Variants in TCF20 observed in about 807,000 individuals in gnomAD.
TCF20 encodes the protein transcription factor 20.
TCF20 carries 3 observed loss-of-function variants against 148.6 expected under a neutral mutation model. The ratio of observed to expected loss-of-function variants is 0.02; its 90% CI spans 0.01 to 0.05. TCF20 has a LOEUF of 0.05. TCF20 is among the 10% of genes least tolerant of loss of function. The pLI, the probability that TCF20 is intolerant of heterozygous loss-of-function variation, is 1.00. For missense variants in TCF20, 2,350 were observed against 2,429.3 expected, an observed-to-expected ratio of 0.97 and a Z score of 0.69; for synonymous variants, 1,049 against 909.5, an observed-to-expected ratio of 1.15 and a Z score of -2.76.
chr22:42,323,897 TGGTG>T (rs1927789160), intron 1 of TCF20, among the ~76,000 whole-genome samples: 1 of 74,050 alleles, frequency 1.4e-5, no homozygotes, highest in Non-Finnish European at 3.2e-5. Flanking sequence ...GAGGTTATGG[TGGTG>T]GAGGTGGTGG....
At chr22:42,325,778 C>G (rs930342542) in intron 1 of TCF20, among the ~76,000 whole-genome samples, 5 of 152,196 alleles carry the variant, frequency 3.3e-5, no homozygotes, top group Non-Finnish European at 7.3e-5. Context: ...GAGCAAGGCA[C>G]TGCATTTCCG....
chr22:42,260,474 T>G (rs1423708180), intron 1 of TCF20, among the ~76,000 whole-genome samples: 1 of 152,110 alleles, frequency 6.6e-6, no homozygotes, highest in East Asian at 1.9e-4. Context: ...AACAGGAAAC[T>G]AATAATACAG....
At chr22:42,310,276 T>C (rs918640859) in intron 1 of TCF20, among the ~76,000 whole-genome samples, 1 of 152,178 alleles carries the variant, frequency 6.6e-6, no homozygotes, top group Non-Finnish European at 1.5e-5. Flanking sequence ...TGTTGGCACA[T>C]TCATCTAACA....
rs565386873 is a variant in TCF20, at chr22:42,214,109, C to T, written c.1197G>A (p.Gly399=). 1 of 1,614,202 alleles carries T rather than the reference C, an allele frequency of 6.2e-7. No individual in the cohort carries two copies. The highest frequency in any genetic ancestry group is 2.2e-5 in the East Asian group (1 of 44,884). The part of the protein sequence containing the change: ...LMQTGENLQC[G]QGSVPMGSRN... ...TGGAACCCATAGGCACACTGCCTTG[C>T]CCACACTGGAGATTCTCCCCAGTCT... Residue 399 remains glycine, a synonymous_variant, in exon 2 of 6, where the codon GGG becomes GGA. Transcript: ENST00000677622.
rs1928105074 is a variant in TCF20 at position 42,338,435 on chromosome 22, G to GA, written c.-37+5043_-37+5044insT. Reference sequence around the variant, plus strand: ...CAGAGTCGGGAGGGGGGTGCCCAGGGGGCCTCAGCAGAGCCCCGTCCCTCC... The same window carrying GA: ...CAGAGTCGGGAGGGGGGTGCCCAGGGAGGCCTCAGCAGAGCCCCGTCCCTCC... On this transcript the variant is annotated intron_variant, in intron 1 of 1. Coordinates refer to the TCF20 transcript ENST00000515426. This position sits in a 1 kb window ranked among gnomAD's most constrained non-coding sequence, Gnocchi z 4.0. 1.3e-5 allele frequency among the ~76,000 whole-genome samples: 2 copies of GA among 152,040 alleles called. No homozygotes were observed. The highest frequency in any genetic ancestry group is 2.1e-4 in the South Asian group (1 of 4,788).
At chr22:42,314,253 C>T (rs2053559533) in intron 1 of TCF20, among the ~76,000 whole-genome samples, 1 of 152,258 alleles carries the variant, frequency 6.6e-6, no homozygotes, top group Non-Finnish European at 1.5e-5. Context: ...TCCGTCTCTT[C>T]CGGATGTGTG....
At chr22:42,305,221 A>G (rs1251195095) in intron 1 of TCF20, among the ~76,000 whole-genome samples, 1 of 152,100 alleles carries the variant, frequency 6.6e-6, no homozygotes, top group Non-Finnish European at 1.5e-5. Flanking sequence ...TGCTGGTAAG[A>G]ATCAGTTCAA....
chr22:42,314,990 TAAACTGGC>T, intron 1 of TCF20, among the ~76,000 whole-genome samples: 1 of 152,132 alleles, frequency 6.6e-6, no homozygotes, highest in South Asian at 2.1e-4. Flanking sequence ...GTTTTTGTTT[TAAACTGGC>T]TGTGCCTCCT....
intron 1 of TCF20, among the ~76,000 whole-genome samples, chr22:42,300,622 G>A (rs951980393): frequency 5.3e-5 from 8 of 152,128 alleles, no homozygotes; most frequent in South Asian, 4.1e-4. Context: ...AGCCTCCTGC[G>A]GTCAGCAGCC....
intron 1 of TCF20, among the ~76,000 whole-genome samples, chr22:42,227,731 G>C (rs989125231): frequency 6.6e-6 from 1 of 152,174 alleles, no homozygotes; most frequent in East Asian, 1.9e-4. Flanking sequence ...CATTTTGCAG[G>C]ATAACCCTCA....
At chr22:42,249,956 G>A (rs945313856) in intron 1 of TCF20, among the ~76,000 whole-genome samples, 1 of 152,046 alleles carries the variant, frequency 6.6e-6, no homozygotes, top group African/African-American at 2.4e-5. Context: ...AGCTCTGGCT[G>A]TGTTCATCAA....
chr22:42,196,379 GTC>G, intron 2 of TCF20, among the ~76,000 whole-genome samples: 1 of 152,306 alleles, frequency 6.6e-6, no homozygotes, highest in South Asian at 2.1e-4. Context: ...GAGACACAAA[GTC>G]TTATATCAGC....
upstream of TCF20, among the ~76,000 whole-genome samples, chr22:42,286,558 C>T (rs559303574): frequency 1.7e-4 from 26 of 152,190 alleles, no homozygotes; most frequent in Admixed American, 1.1e-3. Flanking sequence ...CCTTTCTAAG[C>T]AAGAGCCGAT....
At chr22:42,165,449 A>G (rs1372702411) in intron 5 of TCF20, among the ~76,000 whole-genome samples, 1 of 152,216 alleles carries the variant, frequency 6.6e-6, no homozygotes, top group Non-Finnish European at 1.5e-5. Flanking sequence ...AGAGCTGGGT[A>G]TAGGGACTCC....
Position 42,179,692 on chromosome 22 carries a change from T to C in TCF20, c.5666A>G (p.His1889Arg), listed in dbSNP as rs2147094662. The change falls in exon 3 of 6, where the codon CAC (histidine) becomes CGC (arginine). Residue 1889 changes from histidine (H) to arginine (R), a missense_variant. Coordinates refer to ENST00000677622, the MANE Select transcript of TCF20 (RefSeq NM_001378418.1). ...CAAGGTGGCGCCTGCCTCCTGGCAGTGGGAACATTTCTGAAAGGAAGGGAA... is the reference window on the plus strand; with the variant it reads ...CAAGGTGGCGCCTGCCTCCTGGCAGCGGGAACATTTCTGAAAGGAAGGGAA... The part of the protein sequence containing the change: ...LEIAREMKCS[H>R]CQEAGATLGC... The C allele has an allele frequency of 6.2e-7, 1 of 1,613,406 alleles. No homozygotes were observed. Among genetic ancestry groups the C allele is most frequent in the Non-Finnish European group, 8.5e-7 (1 of 1,179,526 alleles).
Position 42,211,430 on chromosome 22 carries a change from A to G in TCF20, c.3876T>C (p.Ala1292=), listed in dbSNP as rs1920960082. ...GGGCATAGGAATTGAATGCTTTATC[A>G]GCGCCTTCTTTTGATGAGTGAAGGA... is the stretch of plus-strand genomic sequence containing the variant. ...GRLLHSSKEG[A]DKAFNSYAHL... is the part of the protein sequence containing the mutation. Residue 1292 remains alanine, a synonymous_variant, in exon 2 of 6, where the codon GCT becomes GCC. Transcript: ENST00000677622. 6.2e-7 allele frequency: 1 copy of G among 1,614,070 alleles called. No individual in the cohort carries two copies. Among genetic ancestry groups the G allele is most frequent in the South Asian group, 1.1e-5 (1 of 91,084 alleles).
At chr22:42,183,991 A>G (rs1188010953) in intron 2 of TCF20, among the ~76,000 whole-genome samples, 1 of 149,152 alleles carries the variant, frequency 6.7e-6, no homozygotes, top group Non-Finnish European at 1.5e-5. Flanking sequence ...CTAGTCTTGA[A>G]CTCCTGATCT....
intron 3 of TCF20, among the ~76,000 whole-genome samples, chr22:42,177,715 G>C (rs112500208): frequency 8.5e-5 from 13 of 152,330 alleles, no homozygotes; most frequent in African/African-American, 2.9e-4. Flanking sequence ...GTGATTTAGA[G>C]TAAGAAATAC....
chr22:42,324,822 G>A (rs1237536845), intron 1 of TCF20, among the ~76,000 whole-genome samples: 1 of 152,230 alleles, frequency 6.6e-6, no homozygotes. Flanking sequence ...TCTCCCAGCA[G>A]CCTGGGGAGT....
Sources: allele counts gnomAD v4.1 joint callset (sites outside exome capture counted in the v4.1 genomes callset), GRCh38; gene constraint gnomAD v4.1.1; non-coding constraint Gnocchi (gnomAD v3.1); transcripts MANE v1.5; gene names NCBI Gene and HGNC (gene_info 2026-07-23, HGNC 2026-07-21).